The following SEMA6D variants were observed in gnomAD, a reference collection of about 807,000 sequenced individuals.
SEMA6D encodes semaphorin-6D.
Under a neutral mutation model 106.6 loss-of-function variants are expected in SEMA6D, and 35 were observed. That is an observed-to-expected ratio of 0.33 (90% CI 0.25 to 0.44). The LOEUF is 0.44. SEMA6D is among the 20% of genes least tolerant of loss of function. SEMA6D has a pLI of 1.00. For missense variants in SEMA6D, 1,185 were observed against 1,345.9 expected, an observed-to-expected ratio of 0.88 and a Z score of 1.87; for synonymous variants, 499 against 487.7, an observed-to-expected ratio of 1.02 and a Z score of -0.31.
intron 2 of SEMA6D, among the ~76,000 whole-genome samples, chr15:47,450,424 T>C (rs1026750962): frequency 5.3e-5 from 8 of 152,078 alleles, no homozygotes; most frequent in African/African-American, 1.9e-4. Flanking sequence ...ACCTTGTTAG[T>C]GTGTTTCCAG....
At chr15:47,197,149 T>G (rs996406835) in intron 1 of SEMA6D, among the ~76,000 whole-genome samples, 17 of 152,190 alleles carry the variant, frequency 1.1e-4, no homozygotes, top group African/African-American at 3.9e-4. Flanking sequence ...TTAATATCAC[T>G]TTGGTACTTT....
intron 2 of SEMA6D, among the ~76,000 whole-genome samples, chr15:47,432,608 T>TACACCTATATGCATATGTATATACATAC (rs2041573568): frequency 6.6e-6 from 1 of 151,942 alleles, no homozygotes; most frequent in African/African-American, 2.4e-5. Context: ...TATATACATA[T>TACACCTATATGCATATGTATATACATAC]ACACACACAA....
chr15:47,446,548 C>T (rs1388616530), intron 2 of SEMA6D, among the ~76,000 whole-genome samples: 4 of 152,106 alleles, frequency 2.6e-5, no homozygotes, highest in African/African-American at 7.2e-5. Context: ...GGTGATCACT[C>T]ACTATCATAA....
intron 3 of SEMA6D, among the ~76,000 whole-genome samples, chr15:47,760,729 G>T (rs146958645): frequency 6.6e-6 from 1 of 152,060 alleles, no homozygotes; most frequent in Admixed American, 6.6e-5. Context: ...TTAGAAATAT[G>T]TCTATGCTAA....
At chr15:47,248,072 A>T (rs1003008807) in intron 1 of SEMA6D, among the ~76,000 whole-genome samples, 64 of 152,334 alleles carry the variant, frequency 4.2e-4, no homozygotes, top group African/African-American at 1.5e-3. Flanking sequence ...TACCTTATAA[A>T]TACATGGTAG....
chr15:47,613,418 G>C (rs897704044), intron 4 of SEMA6D, among the ~76,000 whole-genome samples: 2 of 152,010 alleles, frequency 1.3e-5, no homozygotes, highest in Admixed American at 1.3e-4. Flanking sequence ...GACAGACAAA[G>C]CCTCCTCAGT....
intron 3 of SEMA6D, among the ~76,000 whole-genome samples, chr15:47,501,411 T>C (rs538593893): frequency 1.3e-5 from 2 of 152,310 alleles, no homozygotes; most frequent in African/African-American, 4.8e-5. Context: ...GTTTGCCATA[T>C]AGCAAAAACC....
intron 1 of SEMA6D, among the ~76,000 whole-genome samples, chr15:47,363,411 TG>T (rs35910544): frequency 0.061 from 9,211 of 152,166 alleles, 405 homozygotes; most frequent in Middle Eastern, 0.18. Context: ...AAATTACATG[TG>T]GGGTGGCTTT....
intron 3 of SEMA6D, among the ~76,000 whole-genome samples, chr15:47,545,456 A>G (rs1045733489): frequency 2.0e-5 from 3 of 152,146 alleles, no homozygotes; most frequent in African/African-American, 4.8e-5. Context: ...AATTTGTGTC[A>G]TGATACAACA....
At chr15:47,270,957 T>C (rs770592706) in intron 1 of SEMA6D, among the ~76,000 whole-genome samples, 8 of 151,948 alleles carry the variant, frequency 5.3e-5, no homozygotes, top group Non-Finnish European at 7.4e-5. Context: ...AAAAAAAATA[T>C]AGATATAACA....
chr15:47,548,186 A>T (rs1003723628), intron 3 of SEMA6D, among the ~76,000 whole-genome samples: 1 of 152,128 alleles, frequency 6.6e-6, no homozygotes, highest in African/African-American at 2.4e-5. Context: ...ATCCCCAGCG[A>T]TGGGCTAAGT....
At chr15:47,762,800 A>G (rs562655319) in intron 8 of SEMA6D, among the ~76,000 whole-genome samples, 1 of 152,288 alleles carries the variant, frequency 6.6e-6, no homozygotes, top group African/African-American at 2.4e-5. Context: ...AGTTCCCTGT[A>G]GGTCTTTTTA....
At chr15:47,594,875 G>A (rs1209572803) in intron 3 of SEMA6D, among the ~76,000 whole-genome samples, 1 of 152,148 alleles carries the variant, frequency 6.6e-6, no homozygotes, top group Non-Finnish European at 1.5e-5. Flanking sequence ...TGGAAGAATG[G>A]TGTCTGAGGG....
At chr15:47,271,003 C>T (rs948435950) in intron 1 of SEMA6D, among the ~76,000 whole-genome samples, 13 of 152,102 alleles carry the variant, frequency 8.5e-5, no homozygotes, top group African/African-American at 2.9e-4. Context: ...TCACTCCAAA[C>T]AGCTAAGTGT....
intron 1 of SEMA6D, among the ~76,000 whole-genome samples, chr15:47,309,399 A>G (rs1360971584): frequency 6.6e-6 from 1 of 152,172 alleles, no homozygotes; most frequent in African/African-American, 2.4e-5. Context: ...CATCTGGAAT[A>G]TCTGATCAAC....
At chr15:47,611,539 T>TTAGGCTGACGTAA (rs1371458552) in intron 4 of SEMA6D, among the ~76,000 whole-genome samples, 1 of 152,182 alleles carries the variant, frequency 6.6e-6, no homozygotes, top group Non-Finnish European at 1.5e-5. Flanking sequence ...ATACTTATCA[T>TTAGGCTGACGTAA]TAGGCTGACG....
intron 1 of SEMA6D, among the ~76,000 whole-genome samples, chr15:47,385,660 G>A (rs548061550): frequency 6.6e-6 from 1 of 150,698 alleles, no homozygotes; most frequent in East Asian, 1.9e-4. Context: ...ATGTACATTA[G>A]AACTACAGCA....
chr15:47,255,952 A>G (rs1050559521), intron 1 of SEMA6D, among the ~76,000 whole-genome samples: 1 of 152,294 alleles, frequency 6.6e-6, no homozygotes, highest in East Asian at 1.9e-4. Context: ...TGAAAAGGCT[A>G]TCTTTGCTCT....
Position 47,469,085 on chromosome 15 carries a change from C to T in SEMA6D, c.-158-1389C>T, listed in dbSNP as rs541023030. Among the ~76,000 whole-genome samples, 40 of 152,280 alleles carry T rather than the reference C, an allele frequency of 2.6e-4. No homozygotes were observed. The South Asian group carries it at 7.7e-3, about 29-fold the overall frequency. The stretch of plus-strand genomic sequence containing the variant: ...AACCCATCTTTTCTGAACTCAATGG[C>T]ATAGTGAGTAGTGGGAGCTGTCTGC... On this transcript the variant is annotated intron_variant, in intron 2 of 19. Transcript: ENST00000558014.
Sources: gnomAD v4.1 joint callset for allele counts (sites outside exome capture counted in the v4.1 genomes callset) on GRCh38, gnomAD v4.1.1 for gene constraint, MANE v1.5 for transcripts, NCBI Gene and HGNC (gene_info 2026-07-23, HGNC 2026-07-21) for gene names.